ARF3: variants seen among roughly 807,000 people sequenced by gnomAD.
ARF3 encodes ARF GTPase 3.
Under a neutral mutation model 19.3 loss-of-function variants are expected in ARF3, and 5 were observed. That is an observed-to-expected ratio of 0.26 (90% CI 0.14 to 0.54). The LOEUF is 0.54. ARF3 is among the 20% of genes least tolerant of loss of function. The probability of loss-of-function intolerance (pLI) is 0.95; values close to 1 mark genes in which losing one functional copy is unlikely to be tolerated. For missense variants in ARF3, 77 were observed against 234.2 expected (o/e 0.33, Z 4.38); for synonymous variants, 71 against 89.2 (o/e 0.80, Z 1.15).
Position 48,936,307 on chromosome 12 carries a change from TC to T in ARF3, c.*2639del, listed in dbSNP as rs1940140108. 1 of 152,496 alleles carries T rather than the reference TC, an allele frequency of 6.6e-6. No homozygotes were observed. The highest frequency in any genetic ancestry group is 2.4e-5 in the African/African-American group (1 of 41,376). 9.4% of individuals were successfully genotyped at this position (152,496 alleles called of 1,614,324 possible). Reference sequence around the variant, plus strand: ...AAGGTGAGTTATTAAACATATACAGTCTACATTCCAGAGGAGGAACTGCAGT... The same window carrying T: ...AAGGTGAGTTATTAAACATATACAGTTACATTCCAGAGGAGGAACTGCAGT... On this transcript the variant is annotated 3_prime_UTR_variant, in exon 5 of 5. Coordinates refer to ENST00000256682, the MANE Select transcript of ARF3 (RefSeq NM_001659.3).
chr12:48,951,677 C>T (rs1032161377), intron 1 of ARF3, among the ~76,000 whole-genome samples: 3 of 151,812 alleles, frequency 2.0e-5, no homozygotes, highest in Non-Finnish European at 2.9e-5. Flanking sequence ...ATCGGGAGTT[C>T]GAGACCAGCC....
At chr12:48,940,261 G>C (rs708242) in intron 2 of ARF3, among the ~76,000 whole-genome samples, 154 bp from the exon 3 acceptor site, 136,754 of 152,274 alleles carry the variant, frequency 0.9, 62,509 homozygotes, top group East Asian at 1. Context: ...TAATCGTTAA[G>C]CTAGCAGCCT....
chr12:48,939,246 G>A lies in ARF3; in HGVS notation c.385-138C>T. On this transcript the variant is annotated intron_variant, in intron 4 of 4. Transcript: ENST00000256682. The surrounding 1 kb of genome is among the most constrained non-coding windows in gnomAD (Gnocchi z 4.8). ...AGGAAACCCAGAACAAGATCCTAAG[G>A]AGCTACTTTGGATTTAGTCACCTAG... 9.8e-7 allele frequency: 1 copy of A among 1,023,812 alleles called. No homozygotes were observed. Among genetic ancestry groups the A allele is most frequent in the South Asian group, 1.8e-5 (1 of 56,298 alleles). The allele number at this position is 1,023,812 out of a possible 1,614,324, so 63.4% of individuals were successfully genotyped here.
intron 1 of ARF3, among the ~76,000 whole-genome samples, chr12:48,948,987 A>G (rs966111317): frequency 3.9e-5 from 6 of 152,196 alleles, no homozygotes; most frequent in African/African-American, 1.4e-4. Flanking sequence ...CTTAGGAGGT[A>G]TAGTAATACA....
chr12:48,941,103 G>A lies in ARF3; in HGVS notation c.-8C>T, dbSNP rs1287783873. On this transcript the variant is annotated 5_prime_UTR_variant, in exon 2 of 5. Transcript: ENST00000256682. ...TCCAAAGATATTGCCCATGATCACA[G>A]CAGCTGCTTTCTGGGGACAGTGGGG... The A allele has an allele frequency of 1.9e-6, 3 of 1,608,300 alleles. No individual in the cohort carries two copies. Among genetic ancestry groups the A allele is most frequent in the Admixed American group, 3.4e-5 (2 of 59,552 alleles).
intron 1 of ARF3, among the ~76,000 whole-genome samples, chr12:48,946,463 G>C (rs1314861937): frequency 6.6e-6 from 1 of 152,204 alleles, no homozygotes; most frequent in Non-Finnish European, 1.5e-5. Flanking sequence ...TGGATACCAA[G>C]AATAAGCAGT....
At chr12:48,951,541 T>C (rs1476878765) in intron 1 of ARF3, among the ~76,000 whole-genome samples, 2 of 146,310 alleles carry the variant, frequency 1.4e-5, no homozygotes, top group Non-Finnish European at 3.0e-5. Context: ...CCAGCCTCGG[T>C]GACAAGAACG....
rs1940208104 is a variant in ARF3, at chr12:48,939,168, C to T, written c.385-60G>A. ...CAGGATTTTTTAAAGGCTTCTAGAACACCCATCTACCAAAGAAATGTGTAC... is the reference window on the plus strand; with the variant it reads ...CAGGATTTTTTAAAGGCTTCTAGAATACCCATCTACCAAAGAAATGTGTAC... On this transcript the variant is annotated intron_variant, in intron 4 of 4. Transcript: ENST00000256682. This position sits in a 1 kb window ranked among gnomAD's most constrained non-coding sequence, Gnocchi z 4.8. The T allele has an allele frequency of 2.6e-6, 4 of 1,546,090 alleles. No individual in the cohort carries two copies. In the African/African-American group the frequency reaches 5.5e-5, roughly 21 times the overall value.
chr12:48,943,568 G>A lies in ARF3; in HGVS notation c.-93-2380C>T, dbSNP rs572691481. Among the ~76,000 whole-genome samples, 6 of 152,248 alleles carry A rather than the reference G, an allele frequency of 3.9e-5. No individual in the cohort carries two copies. In the South Asian group the frequency reaches 1.2e-3, roughly 32 times the overall value. ...TCCTATTTACAAGCTAACGCATGGGGGTTTGGTGGGAGTTTGGTTGTTTTT... is the reference window on the plus strand; with the variant it reads ...TCCTATTTACAAGCTAACGCATGGGAGTTTGGTGGGAGTTTGGTTGTTTTT... On this transcript the variant is annotated intron_variant, in intron 1 of 4. Transcript: ENST00000256682.
At chr12:48,955,724 C>T (rs947279607) in intron 1 of ARF3, 1 of 152,160 alleles carries the variant, frequency 6.6e-6, no homozygotes, top group Non-Finnish European at 1.5e-5. Flanking sequence ...GAAGAGGAGA[C>T]GAAATCCAGT....
At chr12:48,945,584 G>A (rs895960732) in intron 1 of ARF3, among the ~76,000 whole-genome samples, 7 of 151,860 alleles carry the variant, frequency 4.6e-5, no homozygotes, top group South Asian at 4.2e-4. Flanking sequence ...TTAGCTGGGC[G>A]TGGTGGTACA....
chr12:48,936,423 T>G lies in ARF3; in HGVS notation c.*2524A>C, dbSNP rs1485099317. 1 of 152,372 alleles carries G rather than the reference T, an allele frequency of 6.6e-6. No homozygotes were observed. Among genetic ancestry groups the G allele is most frequent in the Non-Finnish European group, 1.5e-5 (1 of 68,024 alleles). 9.4% of individuals were successfully genotyped at this position (152,372 alleles called of 1,614,324 possible). On this transcript the variant is annotated 3_prime_UTR_variant, in exon 5 of 5. Coordinates refer to ENST00000256682, the MANE Select transcript of ARF3 (RefSeq NM_001659.3). ...GCTGGAATCAGGGAAAGCATAAAAT[T>G]AAACCTACCAGAGAGGAGAGGAGAG...
At chr12:48,943,567 G>A (rs1278456512) in intron 1 of ARF3, among the ~76,000 whole-genome samples, 1 of 152,180 alleles carries the variant, frequency 6.6e-6, no homozygotes, top group Non-Finnish European at 1.5e-5. Context: ...TAACGCATGG[G>A]GGTTTGGTGG....
At chr12:48,940,868 C>T in intron 2 of ARF3, 80 bp downstream of exon 2, 1 of 1,467,260 alleles carries the variant, frequency 6.8e-7, no homozygotes, top group Admixed American at 2.4e-5. Context: ...GGAGAAGAGG[C>T]CAGGTTGGGG....
intron 1 of ARF3, 78 bp downstream of exon 1, chr12:48,957,232 G>A (rs960711115): frequency 7.9e-5 from 12 of 152,504 alleles, no homozygotes; most frequent in African/African-American, 2.6e-4. Context: ...GGGCCCGGGA[G>A]GCGCTCTATC....
At chr12:48,949,551 G>A (rs756974248) in intron 1 of ARF3, among the ~76,000 whole-genome samples, 9 of 151,566 alleles carry the variant, frequency 5.9e-5, no homozygotes, top group East Asian at 1.9e-4. Context: ...TATTATTACT[G>A]TTGTTTTTAG....
At chr12:48,946,639 T>C (rs979140738) in intron 1 of ARF3, among the ~76,000 whole-genome samples, 13 of 152,220 alleles carry the variant, frequency 8.5e-5, no homozygotes, top group African/African-American at 2.4e-4. Flanking sequence ...TGGGACACTG[T>C]AGGAATTCAG....
Position 48,940,033 on chromosome 12 carries a change from G to A in ARF3, c.223C>T (p.Arg75Ter). ...TGGAAGTAGTGTCTCCAGAGGGGTC[G>A]AATCTTGTCCTGGCCACCCACATCC... is the stretch of plus-strand genomic sequence containing the variant. ...VWDVGGQDKI[R>*]PLWRHYFQNT... The change falls in exon 3 of 5, where the codon CGA (arginine) becomes TGA (stop). Residue 75 changes from arginine to a stop codon, truncating the protein, a stop_gained. Coordinates refer to ENST00000256682, the MANE Select transcript of ARF3 (RefSeq NM_001659.3). LOFTEE classifies it high-confidence loss of function. The A allele has an allele frequency of 6.2e-7, 1 of 1,614,118 alleles. No individual in the cohort carries two copies. Among genetic ancestry groups the A allele is most frequent in the South Asian group, 1.1e-5 (1 of 91,076 alleles).
At chr12:48,944,234 T>C (rs1228278472) in intron 1 of ARF3, among the ~76,000 whole-genome samples, 3 of 152,236 alleles carry the variant, frequency 2.0e-5, no homozygotes. Context: ...CTATTGCTGA[T>C]TAAATGCTTA....
Sources: gnomAD v4.1 joint callset for allele counts (sites outside exome capture counted in the v4.1 genomes callset) on GRCh38, gnomAD v4.1.1 for gene constraint, Gnocchi (gnomAD v3.1) non-coding constraint, MANE v1.5 for transcripts, NCBI Gene and HGNC (gene_info 2026-07-23, HGNC 2026-07-21) for gene names.